The following KCNQ1 variants were observed in gnomAD, a reference collection of about 807,000 sequenced individuals.
KCNQ1 encodes the protein potassium voltage-gated channel subfamily Q member 1, also known as potassium voltage-gated channel subfamily KQT member 1.
Under a neutral mutation model 72.4 loss-of-function variants are expected in KCNQ1, and 49 were observed. The observed-to-expected ratio is 0.68, with a 90% CI of 0.54 to 0.86. The LOEUF is 0.86. Ranked by LOEUF, KCNQ1 falls within the 40% of genes least tolerant of loss-of-function variation. KCNQ1 has a pLI of 0.00. For missense variants in KCNQ1, 790 were observed against 945.1 expected (o/e 0.84, Z 2.15); for synonymous variants, 450 against 412.6 (o/e 1.09, Z -1.10).
intron 10 of KCNQ1, chr11:2,644,513 C>T (rs566023790): frequency 1.1e-4 from 45 of 398,296 alleles, no homozygotes; most frequent in Non-Finnish European, 1.7e-4. Flanking sequence ...TCTATCAGAT[C>T]TTCTTTAATA....
chr11:2,699,889 CCACGCTGAGAGGCACCCCGGCAGAAT>C (rs1850764193), intron 11 of KCNQ1: 1 of 398,370 alleles, frequency 2.5e-6, no homozygotes. Context: ...CCGGGGAGGA[CCACGCTGAGAGGCACCCCGGCAGAAT>C]CGCGCTGAGG....
chr11:2,634,134 T>TA (rs1381100834), intron 10 of KCNQ1: 1 of 296,176 alleles, frequency 3.4e-6, no homozygotes, highest in Non-Finnish European at 5.5e-6. Context: ...TTGTCTTTGG[T>TA]ATTTTTTTTT....
chr11:2,740,127 CT>C (rs1846026921), intron 11 of KCNQ1, among the ~76,000 whole-genome samples: 1 of 152,166 alleles, frequency 6.6e-6, no homozygotes, highest in Non-Finnish European at 1.5e-5. Context: ...TCTGGTTGCT[CT>C]CAAACCATGA....
At position 2,704,522 on chromosome 11, in the gene KCNQ1, C is replaced by A. The variant is rs2283196; in HGVS notation, c.1514+42441C>A. Reference sequence around the variant, plus strand: ...TTGTAGGCTGTCGTCAGAGGGGAGGCACAGTGGGGAGTCTCTAGGAGGTTT... The same window carrying A: ...TTGTAGGCTGTCGTCAGAGGGGAGGAACAGTGGGGAGTCTCTAGGAGGTTT... On this transcript the variant is annotated intron_variant, in intron 11 of 15. Transcript: ENST00000155840. This position sits in a 1 kb window ranked among gnomAD's most constrained non-coding sequence, Gnocchi z 4.3. Among the ~76,000 whole-genome samples, 69,125 of 152,018 alleles carry A rather than the reference C, an allele frequency of 0.45. 16,702 individuals are homozygous for A. The highest frequency in any genetic ancestry group is 0.84 in the East Asian group (4,347 of 5,162).
In KCNQ1 at chr11:2,598,248, T is replaced by C. The variant is rs939714613; in HGVS notation, c.1393+9394T>C. Among the ~76,000 whole-genome samples, 4 of 152,192 alleles carry C rather than the reference T, an allele frequency of 2.6e-5. No homozygotes were observed. The East Asian group carries it at 5.8e-4, about 22-fold the overall frequency. ...GATTATGAAATATGTTCCTTTTCAT[T>C]GCTTTCTTGATAGTTTTAATTTTGT... On this transcript the variant is annotated intron_variant, in intron 10 of 15. Transcript: ENST00000155840. This position sits in a 1 kb window ranked among gnomAD's most constrained non-coding sequence, Gnocchi z 6.2.
At chr11:2,796,546 TCACACCCCGA>T (rs1340468216) in intron 15 of KCNQ1, among the ~76,000 whole-genome samples, 1 of 152,062 alleles carries the variant, frequency 6.6e-6, no homozygotes, top group Non-Finnish European at 1.5e-5. Context: ...TTCCTCACTC[TCACACCCCGA>T]CACACCCTCT....
rs1389279398 is a variant in KCNQ1 at position 2,620,921 on chromosome 11, G to GT, written c.1393+32074dup. ...AGATGGCATCCCATTATGGTTTGGTGTTTTTTTGTTGTTGTTGTTTTGTTT... is the reference window on the plus strand; with the variant it reads ...AGATGGCATCCCATTATGGTTTGGTGTTTTTTTTGTTGTTGTTGTTTTGTTT... On this transcript the variant is annotated intron_variant, in intron 10 of 15. Coordinates refer to ENST00000155840, the MANE Select transcript of KCNQ1 (RefSeq NM_000218.3). This position sits in a 1 kb window ranked among gnomAD's most constrained non-coding sequence, Gnocchi z 4.5. 8 of 386,342 alleles carry GT rather than the reference G, an allele frequency of 2.1e-5. No individual in the cohort carries two copies. Among genetic ancestry groups the GT allele is most frequent in the East Asian group, 3.7e-5 (1 of 27,192 alleles). The allele number at this position is 386,342 out of a possible 1,614,324, so 23.9% of individuals were successfully genotyped here. A position where few individuals can be genotyped will look rare whatever the true frequency, so the allele number is the denominator to read the frequency against.
chr11:2,680,067 T>C lies in KCNQ1; in HGVS notation c.1514+17986T>C, dbSNP rs927067131. On this transcript the variant is annotated intron_variant, in intron 11 of 15. Coordinates refer to ENST00000155840, the MANE Select transcript of KCNQ1 (RefSeq NM_000218.3). Reference sequence around the variant, plus strand: ...TGCCACCATGACTGGCTAATTTTTTTTTTTATTAGAGACAGGGTTTCACCA... The same window carrying C: ...TGCCACCATGACTGGCTAATTTTTTCTTTTATTAGAGACAGGGTTTCACCA... The C allele has an allele frequency of 1.2e-4, 46 of 396,246 alleles. No individual in the cohort carries two copies. The Middle Eastern group carries it at 1.9e-3, about 16-fold the overall frequency. 24.5% of individuals were successfully genotyped at this position (396,246 alleles called of 1,614,324 possible). A position where few individuals can be genotyped will look rare whatever the true frequency, so the allele number is the denominator to read the frequency against.
chr11:2,612,771 C>A lies in KCNQ1; in HGVS notation c.1393+23917C>A. On this transcript the variant is annotated intron_variant, in intron 10 of 15. Coordinates refer to ENST00000155840, the MANE Select transcript of KCNQ1 (RefSeq NM_000218.3). This position sits in a 1 kb window ranked among gnomAD's most constrained non-coding sequence, Gnocchi z 5.5. Reference sequence around the variant, plus strand: ...CTATTTATTGCTCATTATTCTTGTTCAAGGGTCACAATTTTCTGTTTCTTT... The same window carrying A: ...CTATTTATTGCTCATTATTCTTGTTAAAGGGTCACAATTTTCTGTTTCTTT... 1 of 398,488 alleles carries A rather than the reference C, an allele frequency of 2.5e-6. No homozygotes were observed. The highest frequency in any genetic ancestry group is 4.4e-6 in the Non-Finnish European group (1 of 226,032). The allele number at this position is 398,488 out of a possible 1,614,324, so 24.7% of individuals were successfully genotyped here. A position where few individuals can be genotyped will look rare whatever the true frequency, so the allele number is the denominator to read the frequency against.
rs772628940 is a variant in KCNQ1, at chr11:2,775,940, C to T, written c.1591-20C>T. ...TGGGGCACAGGGAGGAGAAGTGATGCGTGTCTTTTTGTCCCGCAGCAAGCG... is the reference window on the plus strand; with the variant it reads ...TGGGGCACAGGGAGGAGAAGTGATGTGTGTCTTTTTGTCCCGCAGCAAGCG... On this transcript the variant is annotated intron_variant, in intron 12 of 15. Transcript: ENST00000155840. 9.7e-6 allele frequency: 15 copies of T among 1,551,030 alleles called. No homozygotes were observed. The East Asian group carries it at 1.2e-4, about 13-fold the overall frequency.
chr11:2,677,246 GTAAAGAGGAACTTA>G lies in KCNQ1; in HGVS notation c.1514+15178_1514+15191del, dbSNP rs375102601. The stretch of plus-strand genomic sequence containing the variant: ...AAAGACAATATAAAGCACACACAAA[GTAAAGAGGAACTTA>G]TAAAGAGGAACTGTAAATCTTGTCA... On this transcript the variant is annotated intron_variant, in intron 11 of 15. Transcript: ENST00000155840. The surrounding 1 kb of genome is among the most constrained non-coding windows in gnomAD (Gnocchi z 4.5). 1.6e-3 allele frequency: 640 copies of G among 398,532 alleles called. 1 individual carries two copies. The highest frequency in any genetic ancestry group is 0.012 in the African/African-American group (571 of 48,710). The allele number at this position is 398,532 out of a possible 1,614,324, so 24.7% of individuals were successfully genotyped here.
intron 2 of KCNQ1, among the ~76,000 whole-genome samples, chr11:2,556,505 G>A (rs895305840): frequency 6.6e-6 from 1 of 152,130 alleles, no homozygotes; most frequent in African/African-American, 2.4e-5. Context: ...TCTCATCTCT[G>A]GCTGTTTTTG....
At chr11:2,706,482 C>T (rs1273900262) in intron 11 of KCNQ1, among the ~76,000 whole-genome samples, 3 of 152,262 alleles carry the variant, frequency 2.0e-5, no homozygotes, top group Admixed American at 2.0e-4. Flanking sequence ...ATCAGAACCA[C>T]CCAGCCAAGC....
At chr11:2,686,887 G>A in intron 11 of KCNQ1, 1 of 398,688 alleles carries the variant, frequency 2.5e-6, no homozygotes, top group Non-Finnish European at 4.4e-6. Flanking sequence ...CCAGTGACCA[G>A]CCTGAAGATA....
chr11:2,625,139 T>C (rs983993486), intron 10 of KCNQ1: 18 of 398,566 alleles, frequency 4.5e-5, no homozygotes, highest in Admixed American at 8.8e-5. Flanking sequence ...TTTTTAATTT[T>C]TGAAGGAACA....
In KCNQ1 at chr11:2,713,248, TC is replaced by T. The variant is rs5789264; in HGVS notation, c.1514+51169del. 6.6e-6 allele frequency among the ~76,000 whole-genome samples: 1 copy of T among 152,028 alleles called. No individual in the cohort carries two copies. The highest frequency in any genetic ancestry group is 2.4e-5 in the African/African-American group (1 of 41,402). On this transcript the variant is annotated intron_variant, in intron 11 of 15. Transcript: ENST00000155840. The surrounding 1 kb of genome is among the most constrained non-coding windows in gnomAD (Gnocchi z 5.6). ...CGAGCCAGCCGGACCTGCATCCCGC[TC>T]CTCCTCCGCTCCCTGGAAACGTTCC...
rs1158042049 is a variant in KCNQ1 at position 2,793,377 on chromosome 11, T to C, written c.1794+15340T>C. Among the ~76,000 whole-genome samples the C allele has an allele frequency of 3.0e-5, 4 of 134,006 alleles. No homozygotes were observed. The East Asian group carries it at 6.4e-4, about 21-fold the overall frequency. The allele number at this position is 134,006 out of a possible 152,430, so 87.9% of individuals were successfully genotyped here. ...GCTCACACCTGTAATCCCAGCTCTTTAGGAGGCCAAGACGGGGGGATGGCT... is the reference window on the plus strand; with the variant it reads ...GCTCACACCTGTAATCCCAGCTCTTCAGGAGGCCAAGACGGGGGGATGGCT... On this transcript the variant is annotated intron_variant, in intron 15 of 15. Transcript: ENST00000155840.
intron 11 of KCNQ1, among the ~76,000 whole-genome samples, chr11:2,730,793 G>A (rs553403840): frequency 1.3e-4 from 20 of 152,306 alleles, no homozygotes; most frequent in African/African-American, 4.6e-4. Flanking sequence ...TGGTGGTTTC[G>A]AAGGGCAGAG....
At chr11:2,697,330 T>A (rs1850694391) in intron 11 of KCNQ1, 2 of 398,602 alleles carry the variant, frequency 5.0e-6, no homozygotes, top group Non-Finnish European at 8.8e-6. Context: ...CCATCAACCC[T>A]ATGAGCTACA....
Sources: gnomAD v4.1 joint callset for allele counts (sites outside exome capture counted in the v4.1 genomes callset) on GRCh38, gnomAD v4.1.1 for gene constraint, Gnocchi (gnomAD v3.1) non-coding constraint, MANE v1.5 for transcripts, NCBI Gene and HGNC (gene_info 2026-07-23, HGNC 2026-07-21) for gene names.